XKR4: variants seen among roughly 807,000 people sequenced by gnomAD.
The protein encoded by XKR4 is XK related 4.
In XKR4, 12 loss-of-function variants were observed where a neutral mutation model predicts 53.9. The ratio of observed to expected loss-of-function variants is 0.22; its 90% CI spans 0.14 to 0.36. The LOEUF (loss-of-function observed/expected upper bound fraction) is 0.36. Among genes scored for constraint, XKR4 ranks in the 10% least tolerant of loss-of-function variants. XKR4 has a pLI of 1.00. For missense variants in XKR4, 799 were observed against 859.5 expected (o/e 0.93, Z 0.88); for synonymous variants, 354 against 362.4 (o/e 0.98, Z 0.26).
At chr8:55,238,845 T>C (rs1010829224) in intron 1 of XKR4, among the ~76,000 whole-genome samples, 6 of 152,234 alleles carry the variant, frequency 3.9e-5, no homozygotes, top group African/African-American at 1.4e-4. Flanking sequence ...GTGATTCTTA[T>C]TTTAATAAGT....
chr8:55,142,078 A>G (rs1012274584), intron 1 of XKR4: 11 of 455,808 alleles, frequency 2.4e-5, no homozygotes, highest in African/African-American at 1.2e-4. Context: ...CTCCCTGGTG[A>G]CTTTCTGGGC....
chr8:55,372,681 A>G (rs780546366), intron 2 of XKR4, among the ~76,000 whole-genome samples: 1 of 151,960 alleles, frequency 6.6e-6, no homozygotes, highest in Non-Finnish European at 1.5e-5. Context: ...CATGATGTGT[A>G]TATTCTAGGG....
chr8:55,297,740 G>A (rs1206000037), intron 1 of XKR4, among the ~76,000 whole-genome samples: 4 of 152,216 alleles, frequency 2.6e-5, no homozygotes, highest in African/African-American at 4.8e-5. Flanking sequence ...TACGCCCAAA[G>A]GGGGCTCTCT....
intron 2 of XKR4, among the ~76,000 whole-genome samples, chr8:55,369,677 T>G (rs945636512): frequency 6.6e-6 from 1 of 152,060 alleles, no homozygotes; most frequent in South Asian, 2.1e-4. Flanking sequence ...TTAATATATA[T>G]TACATTAAAA....
rs1215942479 is a variant in XKR4, at chr8:55,532,930, A to T, written c.*8703A>T. The T allele has an allele frequency of 1.3e-5, 2 of 152,170 alleles. No individual in the cohort carries two copies. Among genetic ancestry groups the T allele is most frequent in the Non-Finnish European group, 2.9e-5 (2 of 68,042 alleles). The allele number at this position is 152,170 out of a possible 1,614,324, so 9.4% of individuals were successfully genotyped here. Reference sequence around the variant, plus strand: ...ATTTATATTAAAACAGATTTAATCAAATTATTACTTAAGTACTACAAATGT... The same window carrying T: ...ATTTATATTAAAACAGATTTAATCATATTATTACTTAAGTACTACAAATGT... On this transcript the variant is annotated 3_prime_UTR_variant, in exon 3 of 3. Transcript: ENST00000327381.
chr8:55,470,935 T>C (rs1400528141), intron 2 of XKR4, among the ~76,000 whole-genome samples: 1 of 152,128 alleles, frequency 6.6e-6, no homozygotes, highest in Non-Finnish European at 1.5e-5. Context: ...AATCACACTA[T>C]AATCCTCACC....
chr8:55,103,383 C>G, intron 1 of XKR4, 89 bp downstream of exon 1: 3 of 1,509,654 alleles, frequency 2.0e-6, no homozygotes, highest in African/African-American at 1.4e-5. Flanking sequence ...TTCAGGGTTG[C>G]TTTGGTAGTA....
intron 2 of XKR4, among the ~76,000 whole-genome samples, chr8:55,480,594 A>G (rs1806085644): frequency 6.6e-6 from 1 of 152,066 alleles, no homozygotes; most frequent in South Asian, 2.1e-4. Flanking sequence ...TTCAATTAGG[A>G]AAAGAGGAAG....
chr8:55,275,157 A>G (rs963159807), intron 1 of XKR4, among the ~76,000 whole-genome samples: 1 of 152,226 alleles, frequency 6.6e-6, no homozygotes, highest in Non-Finnish European at 1.5e-5. Flanking sequence ...TTTCCATTTC[A>G]AAAGTAAAAT....
chr8:55,246,223 C>G (rs1000529367), intron 1 of XKR4, among the ~76,000 whole-genome samples: 1 of 152,166 alleles, frequency 6.6e-6, no homozygotes, highest in Non-Finnish European at 1.5e-5. Context: ...GAAGAAATCA[C>G]AAGGGTCTGA....
intron 2 of XKR4, among the ~76,000 whole-genome samples, chr8:55,471,787 C>A (rs977674215): frequency 4.6e-5 from 7 of 152,012 alleles, no homozygotes; most frequent in African/African-American, 1.2e-4. Context: ...ACCTTCCCCA[C>A]CCCCTCTTGC....
chr8:55,468,238 T>G (rs1354402339), intron 2 of XKR4, among the ~76,000 whole-genome samples: 3 of 152,134 alleles, frequency 2.0e-5, no homozygotes, highest in African/African-American at 4.8e-5. Flanking sequence ...TTCCTCTAAA[T>G]GACTTGGTCG....
chr8:55,214,339 T>C (rs952956366), intron 1 of XKR4, among the ~76,000 whole-genome samples: 4 of 152,190 alleles, frequency 2.6e-5, no homozygotes, highest in African/African-American at 9.6e-5. Flanking sequence ...TCCAAGTCAA[T>C]CATGCTGCCT....
rs1018429003 is a variant in XKR4, at chr8:55,526,592, A to G, written c.*2365A>G. ...CTTTTGTGCAGAACCTTGAGTTATT[A>G]GCTTCATTGTTTCCAAGACAACTTT... On this transcript the variant is annotated 3_prime_UTR_variant, in exon 3 of 3. Coordinates refer to ENST00000327381, the MANE Select transcript of XKR4 (RefSeq NM_052898.2). 6.6e-6 allele frequency: 1 copy of G among 152,184 alleles called. No individual in the cohort carries two copies. Among genetic ancestry groups the G allele is most frequent in the Non-Finnish European group, 1.5e-5 (1 of 68,026 alleles). The allele number at this position is 152,184 out of a possible 1,614,324, so 9.4% of individuals were successfully genotyped here.
chr8:55,421,999 T>C (rs1034220996), intron 2 of XKR4, among the ~76,000 whole-genome samples: 1 of 152,238 alleles, frequency 6.6e-6, no homozygotes, highest in African/African-American at 2.4e-5. Flanking sequence ...TATTGATGTA[T>C]GTATTAATGT....
intron 1 of XKR4, among the ~76,000 whole-genome samples, chr8:55,289,476 T>G (rs1045916602): frequency 6.8e-6 from 1 of 147,094 alleles, no homozygotes; most frequent in Admixed American, 6.8e-5. Flanking sequence ...GATAGTGCCA[T>G]TGCCTTCCAG....
intron 2 of XKR4, among the ~76,000 whole-genome samples, chr8:55,499,879 G>C (rs1324624286): frequency 2.0e-5 from 3 of 152,192 alleles, no homozygotes; most frequent in South Asian, 2.1e-4. Context: ...TTTTCCTCCA[G>C]TATGTGAATT....
intron 1 of XKR4, among the ~76,000 whole-genome samples, chr8:55,287,454 C>A (rs1818923929): frequency 6.6e-6 from 1 of 152,210 alleles, no homozygotes; most frequent in Non-Finnish European, 1.5e-5. Context: ...CATTAGGAAT[C>A]CCAATATCCA....
chr8:55,491,059 C>A (rs1806265531), intron 2 of XKR4, among the ~76,000 whole-genome samples: 2 of 151,728 alleles, frequency 1.3e-5, no homozygotes, highest in South Asian at 4.1e-4. Context: ...TAGATGGTTT[C>A]TATTCCTATG....
Sources: allele counts gnomAD v4.1 joint callset (sites outside exome capture counted in the v4.1 genomes callset), GRCh38; gene constraint gnomAD v4.1.1; transcripts MANE v1.5; gene names NCBI Gene and HGNC (gene_info 2026-07-23, HGNC 2026-07-21).